Variants in MIGA1 observed in about 807,000 individuals in gnomAD.
MIGA1 encodes the protein family with sequence similarity 73, member A.
MIGA1 carries 58 observed loss-of-function variants against 82.0 expected under a neutral mutation model. The observed-to-expected ratio is 0.71, with a 90% confidence interval of 0.57 to 0.88. MIGA1 has a LOEUF of 0.88. Among genes scored for constraint, MIGA1 ranks in the 40% least tolerant of loss-of-function variants. The pLI, the probability that MIGA1 is intolerant of heterozygous loss-of-function variation, is 0.00. For missense variants in MIGA1, 751 were observed against 749.1 expected (o/e 1.00, Z -0.03); for synonymous variants, 249 against 253.6 (o/e 0.98, Z 0.17).
At chr1:77,854,748 C>CT (rs1210322546) in intron 8 of MIGA1, among the ~76,000 whole-genome samples, 3 of 150,522 alleles carry the variant, frequency 2.0e-5, no homozygotes, top group African/African-American at 7.3e-5. Flanking sequence ...TTTGATGGGA[C>CT]TTTTTTTTTC....
Position 77,878,541 on chromosome 1 carries a change from A to G in MIGA1, c.*3477A>G. On this transcript the variant is annotated 3_prime_UTR_variant, in exon 16 of 16. Coordinates refer to ENST00000370791, the MANE Select transcript of MIGA1 (RefSeq NM_198549.4). Reference sequence around the variant, plus strand: ...CCCTGTTTAAACACTTAATCATGGAATTGCCCTTGCCACCATGAGCTCTAC... The same window carrying G: ...CCCTGTTTAAACACTTAATCATGGAGTTGCCCTTGCCACCATGAGCTCTAC... 3.8e-6 allele frequency: 1 copy of G among 261,674 alleles called. No homozygotes were observed. The highest frequency in any genetic ancestry group is 7.1e-6 in the Non-Finnish European group (1 of 140,240). 16.2% of individuals were successfully genotyped at this position (261,674 alleles called of 1,614,324 possible).
At chr1:77,870,822 C>T (rs1685948150) in intron 14 of MIGA1, among the ~76,000 whole-genome samples, 1 of 150,658 alleles carries the variant, frequency 6.6e-6, no homozygotes, top group South Asian at 2.1e-4. Flanking sequence ...GAGACTCCGT[C>T]TGCAATCCCG....
chr1:77,854,867 G>C (rs1290710982), intron 8 of MIGA1, among the ~76,000 whole-genome samples: 1 of 151,984 alleles, frequency 6.6e-6, no homozygotes, highest in East Asian at 1.9e-4. Flanking sequence ...CTGTCAACTG[G>C]TCCTTTTGCC....
chr1:77,782,767 T>G (rs1169141237), intron 1 of MIGA1: 1 of 503,184 alleles, frequency 2.0e-6, no homozygotes, highest in Non-Finnish European at 2.6e-6. Flanking sequence ...GTTCTGGAGT[T>G]CAGTCAGTGA....
intron 8 of MIGA1, among the ~76,000 whole-genome samples, chr1:77,846,558 TC>T (rs1684849585): frequency 6.6e-6 from 1 of 151,988 alleles, no homozygotes; most frequent in Admixed American, 6.6e-5. Context: ...GGTCTCAAAC[TC>T]CTGAGCTCAA....
intron 8 of MIGA1, among the ~76,000 whole-genome samples, chr1:77,854,950 T>G (rs1685191136): frequency 6.6e-6 from 1 of 152,226 alleles, no homozygotes; most frequent in African/African-American, 2.4e-5. Context: ...TTTGGGTTCT[T>G]AGTCATGAAA....
intron 8 of MIGA1, among the ~76,000 whole-genome samples, chr1:77,852,204 T>C (rs1431334102): frequency 2.6e-5 from 4 of 152,088 alleles, no homozygotes; most frequent in Admixed American, 2.0e-4. Flanking sequence ...CTTCTTAGGA[T>C]TTTTCTCTAA....
intron 8 of MIGA1, among the ~76,000 whole-genome samples, chr1:77,855,628 T>A (rs1050314466): frequency 1.3e-5 from 2 of 152,108 alleles, no homozygotes; most frequent in East Asian, 3.8e-4. Context: ...GGTATATTCC[T>A]AAGTATTTTA....
At chr1:77,832,260 C>CT (rs1339049057) in intron 7 of MIGA1, among the ~76,000 whole-genome samples, 1 of 152,172 alleles carries the variant, frequency 6.6e-6, no homozygotes, top group Non-Finnish European at 1.5e-5. Flanking sequence ...TCTTCCTAAT[C>CT]TATGTTTTTA....
chr1:77,843,013 T>C (rs1684684963), intron 7 of MIGA1, among the ~76,000 whole-genome samples: 2 of 152,256 alleles, frequency 1.3e-5, no homozygotes, highest in African/African-American at 2.4e-5. Flanking sequence ...TATGCTGACT[T>C]CATCATGTAT....
At chr1:77,872,959 A>C in intron 14 of MIGA1, 45 bp from the exon 15 acceptor site, 3 of 1,609,550 alleles carry the variant, frequency 1.9e-6, no homozygotes, top group East Asian at 4.5e-5. Flanking sequence ...GAAAGCAAGT[A>C]ACAAGAAGGT....
intron 8 of MIGA1, chr1:77,853,766 CA>C: frequency 6.3e-6 from 2 of 318,914 alleles, no homozygotes; most frequent in South Asian, 3.5e-5. Context: ...AAAAGTATTG[CA>C]AGCAACAGTA....
chr1:77,802,507 C>T (rs1682925913), intron 3 of MIGA1, among the ~76,000 whole-genome samples: 1 of 152,162 alleles, frequency 6.6e-6, no homozygotes, highest in Non-Finnish European at 1.5e-5. Context: ...AGCATGGTGA[C>T]TCGTTACTAT....
At chr1:77,837,324 C>T (rs751569268) in intron 7 of MIGA1, among the ~76,000 whole-genome samples, 1 of 152,210 alleles carries the variant, frequency 6.6e-6, no homozygotes, top group Non-Finnish European at 1.5e-5. Context: ...CTGCACATCT[C>T]ATTTCATGTG....
chr1:77,794,143 A>G (rs1682557086), intron 2 of MIGA1, among the ~76,000 whole-genome samples: 1 of 152,160 alleles, frequency 6.6e-6, no homozygotes, highest in African/African-American at 2.4e-5. Flanking sequence ...AAGATTGTAC[A>G]TAGAATTCTC....
chr1:77,840,486 CAA>C (rs1224446868), intron 7 of MIGA1, among the ~76,000 whole-genome samples: 4 of 152,034 alleles, frequency 2.6e-5, no homozygotes, highest in African/African-American at 4.8e-5. Flanking sequence ...CATATGGAAA[CAA>C]GAGTTAATTG....
chr1:77,786,107 A>C (rs1371363191), intron 2 of MIGA1, among the ~76,000 whole-genome samples: 1 of 152,174 alleles, frequency 6.6e-6, no homozygotes, highest in African/African-American at 2.4e-5. Flanking sequence ...CAGCCTCAAC[A>C]CCATGTGGAA....
At chr1:77,835,261 G>A (rs543366527) in intron 7 of MIGA1, among the ~76,000 whole-genome samples, 1 of 152,266 alleles carries the variant, frequency 6.6e-6, no homozygotes, top group East Asian at 1.9e-4. Context: ...GGTAAGGCTT[G>A]GATCCAGTCA....
chr1:77,859,497 C>T (rs1293885666), intron 10 of MIGA1, 111 bp downstream of exon 10: 1 of 716,390 alleles, frequency 1.4e-6, no homozygotes, highest in Non-Finnish European at 2.5e-6. Flanking sequence ...ATCCCTATTC[C>T]TAATGACAAA....
Sources: gnomAD v4.1 joint callset for allele counts (sites outside exome capture counted in the v4.1 genomes callset) on GRCh38, gnomAD v4.1.1 for gene constraint, MANE v1.5 for transcripts, NCBI Gene and HGNC (gene_info 2026-07-23, HGNC 2026-07-21) for gene names.